Variants in MIPEP observed in about 807,000 individuals in gnomAD.
MIPEP encodes the protein mitochondrial intermediate peptidase.
MIPEP carries 79 observed loss-of-function variants against 90.3 expected under a neutral mutation model. That is an observed-to-expected ratio of 0.87 (90% confidence interval 0.73 to 1.05). The LOEUF is 1.05. MIPEP is among the 50% of genes least tolerant of loss of function. The pLI, the probability that MIPEP is intolerant of heterozygous loss-of-function variation, is 0.00. For synonymous variants in MIPEP, 334 were observed against 315.8 expected (o/e 1.06, Z -0.61); for missense variants, 940 against 905.6 (o/e 1.04, Z -0.49).
At chr13:23,828,823 T>C (rs756686962) in intron 14 of MIPEP, among the ~76,000 whole-genome samples, 5 of 152,158 alleles carry the variant, frequency 3.3e-5, no homozygotes, top group African/African-American at 4.8e-5. Context: ...AAAATGTATA[T>C]GAAAGAATAC....
intron 10 of MIPEP, among the ~76,000 whole-genome samples, chr13:23,847,637 G>C (rs76248362): frequency 0.046 from 7,034 of 152,230 alleles, 221 homozygotes; most frequent in Middle Eastern, 0.068. Flanking sequence ...GGCATCAGGA[G>C]AGAGTAGGAC....
chr13:23,743,292 A>T (rs188063594), intron 18 of MIPEP, among the ~76,000 whole-genome samples: 1 of 152,334 alleles, frequency 6.6e-6, no homozygotes, highest in East Asian at 1.9e-4. Flanking sequence ...ATCTTAAGTG[A>T]ATTTTATGAG....
intron 1 of MIPEP, chr13:23,888,720 T>C (rs1302342278): frequency 3.0e-6 from 3 of 1,005,968 alleles, no homozygotes; most frequent in African/African-American, 3.4e-5. Flanking sequence ...AAAAAGACCA[T>C]GTGATGCCGC....
chr13:23,885,378 G>A (rs555778115), intron 2 of MIPEP, among the ~76,000 whole-genome samples: 2 of 152,202 alleles, frequency 1.3e-5, no homozygotes, highest in Admixed American at 6.5e-5. Context: ...CCTACTATTC[G>A]ATAGCACAAC....
chr13:23,770,729 G>A (rs1436214019), intron 16 of MIPEP, among the ~76,000 whole-genome samples: 1 of 152,160 alleles, frequency 6.6e-6, no homozygotes, highest in African/African-American at 2.4e-5. Flanking sequence ...TAATCAGCCA[G>A]CACCTGGGAT....
intron 14 of MIPEP, among the ~76,000 whole-genome samples, chr13:23,829,401 C>T (rs180839754): frequency 2.7e-5 from 4 of 150,346 alleles, no homozygotes; most frequent in Admixed American, 2.0e-4. Flanking sequence ...TAAGCCTGGG[C>T]GAAAGAGCAA....
intron 18 of MIPEP, among the ~76,000 whole-genome samples, chr13:23,741,308 C>G (rs1027932725): frequency 4.6e-5 from 7 of 152,138 alleles, no homozygotes; most frequent in African/African-American, 1.7e-4. Flanking sequence ...ACCCAGCAAT[C>G]CCATTACTGG....
chr13:23,766,885 C>T (rs4769285), intron 16 of MIPEP, among the ~76,000 whole-genome samples: 29,486 of 152,178 alleles, frequency 0.19, 3,507 homozygotes, highest in East Asian at 0.42. Flanking sequence ...GCAGTGGTTC[C>T]GGATGTCACT....
At chr13:23,755,171 T>C (rs1450849914) in intron 18 of MIPEP, among the ~76,000 whole-genome samples, 1 of 152,330 alleles carries the variant, frequency 6.6e-6, no homozygotes, top group Non-Finnish European at 1.5e-5. Context: ...ATGATGGCTG[T>C]GTCAGCATGC....
intron 3 of MIPEP, among the ~76,000 whole-genome samples, chr13:23,879,895 A>G (rs752108376): frequency 6.6e-6 from 1 of 152,038 alleles, no homozygotes; most frequent in Admixed American, 6.5e-5. Context: ...GCCACTGTTG[A>G]GCAGTTGTGC....
At chr13:23,808,424 A>T (rs905966638) in intron 15 of MIPEP, among the ~76,000 whole-genome samples, 13 of 152,140 alleles carry the variant, frequency 8.5e-5, no homozygotes, top group Admixed American at 8.5e-4. Flanking sequence ...ATGTCCCCAT[A>T]GAAAGTTGAA....
intron 16 of MIPEP, among the ~76,000 whole-genome samples, chr13:23,779,595 C>T (rs1421064195): frequency 2.6e-5 from 4 of 151,988 alleles, no homozygotes; most frequent in Admixed American, 1.3e-4. Context: ...CACTGGGGCT[C>T]GTCGGACAGT....
chr13:23,791,696 G>A (rs1284092958), intron 16 of MIPEP, among the ~76,000 whole-genome samples: 2 of 140,894 alleles, frequency 1.4e-5, no homozygotes, highest in African/African-American at 5.8e-5. Context: ...AAATCCAAAT[G>A]AAATCAGTCA....
chr13:23,857,398 A>G (rs931825606), intron 10 of MIPEP, among the ~76,000 whole-genome samples: 1 of 152,126 alleles, frequency 6.6e-6, no homozygotes, highest in African/African-American at 2.4e-5. Flanking sequence ...AAGAACCTAT[A>G]TCTCTACAAA....
At chr13:23,830,025 GA>G (rs1421283507) in intron 14 of MIPEP, among the ~76,000 whole-genome samples, 2 of 152,148 alleles carry the variant, frequency 1.3e-5, no homozygotes, top group African/African-American at 2.4e-5. Flanking sequence ...GAAACATTTT[GA>G]AAAACAATTT....
intron 10 of MIPEP, among the ~76,000 whole-genome samples, chr13:23,854,667 G>A (rs886879532): frequency 3.9e-5 from 6 of 152,198 alleles, no homozygotes; most frequent in East Asian, 3.9e-4. Flanking sequence ...TGAGGCAGGC[G>A]GATCACTTGA....
At position 23,870,163 on chromosome 13, in the gene MIPEP, G is replaced by A. The variant is rs751882485; in HGVS notation, c.636C>T (p.Ile212=). 2.5e-6 allele frequency: 4 copies of A among 1,607,104 alleles called. No individual in the cohort carries two copies. Among genetic ancestry groups the A allele is most frequent in the Non-Finnish European group, 3.4e-6 (4 of 1,176,596 alleles). Residue 212 remains isoleucine (I), a synonymous_variant, in exon 6 of 19, where the codon ATC becomes ATT. Coordinates refer to ENST00000382172, the MANE Select transcript of MIPEP (RefSeq NM_005932.4). The part of the protein sequence containing the change: ...RKRAVDLNVK[I]LDLSSTFLMG... ...TAAGAAATGTACTACTCAAATCCAA[G>A]ATTTTAACATTGAGGTCCACTGCTC...
intron 4 of MIPEP, among the ~76,000 whole-genome samples, chr13:23,877,974 G>A (rs558609709): frequency 6.6e-5 from 10 of 151,848 alleles, no homozygotes; most frequent in Non-Finnish European, 1.2e-4. Context: ...ATCCCTATTG[G>A]CATTTTTAAT....
intron 10 of MIPEP, among the ~76,000 whole-genome samples, 195 bp from the exon 11 acceptor site, chr13:23,841,683 AGTTAT>A (rs1869305531): frequency 6.6e-6 from 1 of 152,196 alleles, no homozygotes; most frequent in Non-Finnish European, 1.5e-5. Flanking sequence ...TACTAGTGTT[AGTTAT>A]AAGTCAGTAA....
Sources: gnomAD v4.1 joint callset for allele counts (sites outside exome capture counted in the v4.1 genomes callset) on GRCh38, gnomAD v4.1.1 for gene constraint, MANE v1.5 for transcripts, NCBI Gene and HGNC (gene_info 2026-07-23, HGNC 2026-07-21) for gene names.